Variants in ZNF793 observed in about 807,000 individuals in gnomAD.
ZNF793 encodes zinc finger protein 793.
ZNF793 carries 5 observed loss-of-function variants against 12.4 expected under a neutral mutation model. That is an observed-to-expected ratio of 0.40 (90% CI 0.21 to 0.84). The LOEUF (loss-of-function observed/expected upper bound fraction) is 0.84, where lower values mean the gene tolerates loss of function less well. Ranked by LOEUF, ZNF793 falls within the 40% of genes least tolerant of loss-of-function variation. ZNF793 has a pLI of 0.35. For missense variants in ZNF793, 456 were observed against 495.0 expected (o/e 0.92, Z 0.75); for synonymous variants, 162 against 172.4 (o/e 0.94, Z 0.47).
rs2042543435 is a variant in ZNF793, at chr19:37,540,278, A to AAAG, written c.*2401_*2402insGAA. The AAAG allele has an allele frequency of 6.6e-6, 1 of 150,974 alleles. No individual in the cohort carries two copies. Among genetic ancestry groups the AAAG allele is most frequent in the East Asian group, 1.9e-4 (1 of 5,192 alleles). 9.4% of individuals were successfully genotyped at this position (150,974 alleles called of 1,614,324 possible). A position where few individuals can be genotyped will look rare whatever the true frequency, so the allele number is the denominator to read the frequency against. ...GCGAAACTCCGTCAAAAAAAAAAAAAAAAAAAGAAAACTTCAGACCAGTCT... is the reference window on the plus strand; with the variant it reads ...GCGAAACTCCGTCAAAAAAAAAAAAAAAGAAAAAAGAAAACTTCAGACCAGTCT... On this transcript the variant is annotated 3_prime_UTR_variant, in exon 8 of 8. Transcript: ENST00000627814.
intron 2 of ZNF793, among the ~76,000 whole-genome samples, chr19:37,517,980 C>G (rs1170006631): frequency 6.6e-6 from 1 of 152,034 alleles, no homozygotes; most frequent in Admixed American, 6.6e-5. Flanking sequence ...TCAGAGAAAG[C>G]AATGTTAATA....
chr19:37,541,854 A>T lies in ZNF793; in HGVS notation c.*3975A>T, dbSNP rs146269324. 3 of 152,324 alleles carry T rather than the reference A, an allele frequency of 2.0e-5. No homozygotes were observed. Among genetic ancestry groups the T allele is most frequent in the African/African-American group, 7.2e-5 (3 of 41,576 alleles). The allele number at this position is 152,324 out of a possible 1,614,324, so 9.4% of individuals were successfully genotyped here. ...GCATTCATGAAATGGACAGGAAAAA[A>T]ACCCAATAGCAAAATGTGGCAAAGA... is the stretch of plus-strand genomic sequence containing the variant. On this transcript the variant is annotated 3_prime_UTR_variant, in exon 8 of 8. Transcript: ENST00000627814.
At chr19:37,527,029 C>G (rs1310860924) in intron 5 of ZNF793, among the ~76,000 whole-genome samples, 2 of 152,006 alleles carry the variant, frequency 1.3e-5, no homozygotes, top group Non-Finnish European at 2.9e-5. Flanking sequence ...CTCACTGCAA[C>G]CTCTGCCTCC....
In ZNF793 at chr19:37,541,524, C is replaced by G. The variant is rs1006632919; in HGVS notation, c.*3645C>G. On this transcript the variant is annotated 3_prime_UTR_variant, in exon 8 of 8. Transcript: ENST00000627814. Reference sequence around the variant, plus strand: ...TGAAACCCCATCTCCACTAAAAATACAAAAATTAGCTGGGTGTGGTGGCAC... The same window carrying G: ...TGAAACCCCATCTCCACTAAAAATAGAAAAATTAGCTGGGTGTGGTGGCAC... 1 of 151,972 alleles carries G rather than the reference C, an allele frequency of 6.6e-6. No individual in the cohort carries two copies. Among genetic ancestry groups the G allele is most frequent in the African/African-American group, 2.4e-5 (1 of 41,350 alleles). The allele number at this position is 151,972 out of a possible 1,614,324, so 9.4% of individuals were successfully genotyped here. A position where few individuals can be genotyped will look rare whatever the true frequency, so the allele number is the denominator to read the frequency against.
At position 37,513,042 on chromosome 19, in the gene ZNF793, G is replaced by A. The variant is rs575168927; in HGVS notation, c.-276+4639G>A. 1.7e-4 allele frequency among the ~76,000 whole-genome samples: 26 copies of A among 151,942 alleles called. No homozygotes were observed. The South Asian group carries it at 3.3e-3, about 19-fold the overall frequency. On this transcript the variant is annotated intron_variant, in intron 2 of 7. Coordinates refer to ENST00000627814, the MANE Select transcript of ZNF793 (RefSeq NM_001013659.3). ...TGATTAGAGTCATGTTGTACATCTC[G>A]GACAGGAATACTACAGAAGTGATCA...
intron 5 of ZNF793, among the ~76,000 whole-genome samples, chr19:37,527,973 AC>A (rs1361348282): frequency 6.6e-6 from 1 of 151,062 alleles, no homozygotes; most frequent in Non-Finnish European, 1.5e-5. Flanking sequence ...AAAAAAAAAT[AC>A]AAAAATTAGC....
chr19:37,524,176 T>C (rs1375947261), intron 5 of ZNF793, among the ~76,000 whole-genome samples: 2 of 147,496 alleles, frequency 1.4e-5, no homozygotes, highest in Admixed American at 1.4e-4. Context: ...ATAATAATAA[T>C]AATAATAATA....
chr19:37,516,223 C>T (rs2042330946), intron 2 of ZNF793, among the ~76,000 whole-genome samples: 1 of 152,174 alleles, frequency 6.6e-6, no homozygotes, highest in African/African-American at 2.4e-5. Flanking sequence ...CAACCTCCAC[C>T]TCCTGGGTTC....
At chr19:37,518,680 G>A (rs2042352581) in intron 2 of ZNF793, among the ~76,000 whole-genome samples, 1 of 150,244 alleles carries the variant, frequency 6.7e-6, no homozygotes, top group African/African-American at 2.5e-5. Context: ...CACATCTATA[G>A]TCCTCCTACT....
At position 37,537,362 on chromosome 19, in the gene ZNF793, CCTT is replaced by C. The variant is rs1568327462; in HGVS notation, c.707_709del (p.Phe236del). 1.9e-6 allele frequency: 3 copies of C among 1,612,966 alleles called. No homozygotes were observed. Among genetic ancestry groups the C allele is most frequent in the Non-Finnish European group, 2.5e-6 (3 of 1,179,420 alleles). ...CACGTCTGTAGTGAGTGTGGGAAAG[CCTT>C]CTGCTACAAGTCTGAATTCATTAGG... On this transcript the variant is annotated inframe_deletion, in exon 8 of 8. Coordinates refer to ENST00000627814, the MANE Select transcript of ZNF793 (RefSeq NM_001013659.3).
chr19:37,539,425 C>T lies in ZNF793; in HGVS notation c.*1546C>T, dbSNP rs1486519367. On this transcript the variant is annotated 3_prime_UTR_variant, in exon 8 of 8. Transcript: ENST00000627814. ...CTCTGCAAATTAATTCAAGAATATT[C>T]ATTTTTTTCATATAAATTTCCTTGC... 1.3e-5 allele frequency: 2 copies of T among 152,162 alleles called. No homozygotes were observed. Among genetic ancestry groups the T allele is most frequent in the African/African-American group, 2.4e-5 (1 of 41,442 alleles). The allele number at this position is 152,162 out of a possible 1,614,324, so 9.4% of individuals were successfully genotyped here.
rs1008312733 is a variant in ZNF793, at chr19:37,540,521, T to C, written c.*2642T>C. ...ATTTCATAGAATGTGTTAATTTACA[T>C]TGTAATAGATGGGAACCACTTAAAG... On this transcript the variant is annotated 3_prime_UTR_variant, in exon 8 of 8. Transcript: ENST00000627814. 2 of 104,028 alleles carry C rather than the reference T, an allele frequency of 1.9e-5. No individual in the cohort carries two copies. The highest frequency in any genetic ancestry group is 9.9e-5 in the Admixed American group (1 of 10,114). 6.4% of individuals were successfully genotyped at this position (104,028 alleles called of 1,614,324 possible). A position where few individuals can be genotyped will look rare whatever the true frequency, so the allele number is the denominator to read the frequency against.
chr19:37,523,922 GTT>G (rs2042393645), intron 5 of ZNF793, among the ~76,000 whole-genome samples: 1 of 152,060 alleles, frequency 6.6e-6, no homozygotes, highest in Non-Finnish European at 1.5e-5. Context: ...GGCCAAGGCA[GTT>G]GCATAACCTG....
intron 2 of ZNF793, among the ~76,000 whole-genome samples, chr19:37,519,011 A>T (rs1353388656): frequency 6.6e-6 from 1 of 152,138 alleles, no homozygotes; most frequent in Non-Finnish European, 1.5e-5. Flanking sequence ...TCACGCCTGT[A>T]ATCTCAGCAC....
chr19:37,513,535 TACAGAGAAACAGTTGTC>T (rs1014041574), intron 2 of ZNF793, among the ~76,000 whole-genome samples: 2 of 152,192 alleles, frequency 1.3e-5, no homozygotes, highest in African/African-American at 4.8e-5. Context: ...ATTGACTAGT[TACAGAGAAACAGTTGTC>T]ACATCATGTG....
chr19:37,508,987 C>T (rs2042273091), intron 2 of ZNF793, among the ~76,000 whole-genome samples: 1 of 152,144 alleles, frequency 6.6e-6, no homozygotes, highest in Non-Finnish European at 1.5e-5. Flanking sequence ...CGCCACAAAA[C>T]AAAATGTAAG....
intron 6 of ZNF793, 111 bp downstream of exon 6, chr19:37,532,593 C>T: frequency 7.9e-7 from 1 of 1,273,358 alleles, no homozygotes; most frequent in Non-Finnish European, 1.1e-6. Flanking sequence ...GGTGGATCAC[C>T]TGAGGTCAGG....
At chr19:37,509,335 G>T (rs1166398490) in intron 2 of ZNF793, among the ~76,000 whole-genome samples, 1 of 152,130 alleles carries the variant, frequency 6.6e-6, no homozygotes, top group East Asian at 1.9e-4. Context: ...TGCAGTATTT[G>T]ACTTTCTATT....
intron 2 of ZNF793, among the ~76,000 whole-genome samples, chr19:37,519,037 T>TGGGC (rs1156849118): frequency 6.6e-6 from 1 of 151,924 alleles, no homozygotes; most frequent in East Asian, 1.9e-4. Flanking sequence ...GAGGCCGAGG[T>TGGGC]GGGCGGATCA....
Sources: allele counts gnomAD v4.1 joint callset (sites outside exome capture counted in the v4.1 genomes callset), GRCh38; gene constraint gnomAD v4.1.1; transcripts MANE v1.5; gene names NCBI Gene and HGNC (gene_info 2026-07-23, HGNC 2026-07-21).